KAT6B: variants seen among roughly 807,000 people sequenced by gnomAD.
KAT6B encodes lysine acetyltransferase 6B.
In KAT6B, 10 loss-of-function variants were observed where a neutral mutation model predicts 187.5. The ratio of observed to expected loss-of-function variants is 0.05; its 90% CI spans 0.03 to 0.09. The LOEUF (loss-of-function observed/expected upper bound fraction) is 0.09, where lower values mean the gene tolerates loss of function less well. Among genes scored for constraint, KAT6B ranks in the 10% least tolerant of loss-of-function variants. KAT6B has a pLI of 1.00. For missense variants in KAT6B, 1,952 were observed against 2,558.9 expected, an observed-to-expected ratio of 0.76 and a Z score of 5.12; for synonymous variants, 861 against 926.8, an observed-to-expected ratio of 0.93 and a Z score of 1.29.
intron 11 of KAT6B, chr10:74,984,267 A>C (rs1449584942): frequency 6.6e-6 from 1 of 152,248 alleles, no homozygotes; most frequent in Non-Finnish European, 1.5e-5. Flanking sequence ...GAGAATGGTC[A>C]AGTTCATTGT....
At chr10:74,957,749 G>A (rs1422228539) in intron 3 of KAT6B, among the ~76,000 whole-genome samples, 1 of 152,160 alleles carries the variant, frequency 6.6e-6, no homozygotes, top group Non-Finnish European at 1.5e-5. Context: ...GGGGAATGTT[G>A]TCACTTTAAA....
chr10:74,841,435 A>T (rs1369250766), intron 2 of KAT6B, among the ~76,000 whole-genome samples: 5 of 152,156 alleles, frequency 3.3e-5, no homozygotes, highest in Non-Finnish European at 7.4e-5. Context: ...GTGTGGTGGC[A>T]CATTCCTGTA....
chr10:74,895,635 G>C (rs2132691574), intron 3 of KAT6B, among the ~76,000 whole-genome samples: 1 of 152,200 alleles, frequency 6.6e-6, no homozygotes, highest in Non-Finnish European at 1.5e-5. Context: ...CACTTCCCGG[G>C]TTCAAGCGAT....
At chr10:75,001,045 C>G (rs941017469) in intron 13 of KAT6B, among the ~76,000 whole-genome samples, 2 of 151,968 alleles carry the variant, frequency 1.3e-5, no homozygotes, top group Non-Finnish European at 2.9e-5. Context: ...AAATGATACT[C>G]CCCTCCACCC....
chr10:74,933,697 AG>A (rs1356876569), intron 3 of KAT6B, among the ~76,000 whole-genome samples: 6 of 152,226 alleles, frequency 3.9e-5, no homozygotes, highest in African/African-American at 1.4e-4. Context: ...ATTCCAGGTG[AG>A]TATAAATTAT....
At chr10:74,845,390 G>A (rs1189401803) in intron 3 of KAT6B, among the ~76,000 whole-genome samples, 2 of 149,314 alleles carry the variant, frequency 1.3e-5, no homozygotes, top group African/African-American at 2.5e-5. Flanking sequence ...GGCGTGGTGG[G>A]GGGCACCTGT....
intron 13 of KAT6B, among the ~76,000 whole-genome samples, chr10:75,011,695 C>G (rs753479698): frequency 3.9e-5 from 6 of 152,308 alleles, no homozygotes; most frequent in African/African-American, 1.4e-4. Context: ...GAATCTATAT[C>G]ATAGTCAGTC....
rs557567150 is a variant in KAT6B at position 74,853,598 on chromosome 10, A to C, written c.621+10120A>C. Among the ~76,000 whole-genome samples the C allele has an allele frequency of 6.9e-4, 73 of 106,120 alleles. 1 individual carries two copies. In the South Asian group the frequency reaches 9.7e-3, roughly 14 times the overall value. The allele number at this position is 106,120 out of a possible 152,430, so 69.6% of individuals were successfully genotyped here. A position where few individuals can be genotyped will look rare whatever the true frequency, so the allele number is the denominator to read the frequency against. On this transcript the variant is annotated intron_variant, in intron 3 of 17. Transcript: ENST00000287239. Reference sequence around the variant, plus strand: ...CGTGAGCCACCGTGCTCAGCCTTTTATTTTTAATATATAAGAAATGCCTTT... The same window carrying C: ...CGTGAGCCACCGTGCTCAGCCTTTTCTTTTTAATATATAAGAAATGCCTTT...
chr10:74,962,577 G>A (rs1243680073), intron 4 of KAT6B, among the ~76,000 whole-genome samples: 1 of 152,152 alleles, frequency 6.6e-6, no homozygotes, highest in African/African-American at 2.4e-5. Context: ...ACCCATAGCA[G>A]CATAAAACCA....
chr10:74,939,050 A>AACACACACAC (rs112617639), intron 3 of KAT6B, among the ~76,000 whole-genome samples: 3,301 of 145,726 alleles, frequency 0.023, 97 homozygotes, highest in East Asian at 0.13. Context: ...TTATTTTCTT[A>AACACACACAC]ACACACACAC....
chr10:74,979,056 C>G (rs755522801), intron 9 of KAT6B, among the ~76,000 whole-genome samples, 168 bp from the exon 10 acceptor site: 24 of 152,270 alleles, frequency 1.6e-4, no homozygotes, highest in Middle Eastern at 3.4e-3. Context: ...ACAGTAATTA[C>G]TTTTGCACCA....
chr10:75,017,210 A>AT (rs754346278), intron 13 of KAT6B, among the ~76,000 whole-genome samples: 1 of 152,084 alleles, frequency 6.6e-6, no homozygotes, highest in Non-Finnish European at 1.5e-5. Context: ...ATTATTTGGA[A>AT]TTTTTTTGGT....
intron 3 of KAT6B, among the ~76,000 whole-genome samples, chr10:74,942,205 A>G (rs1265873768): frequency 6.6e-6 from 1 of 152,114 alleles, no homozygotes. Context: ...ACTATGGAAC[A>G]TTCCTCATGA....
rs1455224320 is a variant in KAT6B at position 74,871,118 on chromosome 10, G to A, written c.621+27640G>A. The stretch of plus-strand genomic sequence containing the variant: ...GCTGGTCTCAAACTCCTGACCTCAC[G>A]TGATCCACCTGCCTGCCTCAGCCTC... On this transcript the variant is annotated intron_variant, in intron 3 of 17. Coordinates refer to ENST00000287239, the MANE Select transcript of KAT6B (RefSeq NM_012330.4). 2.8e-5 allele frequency among the ~76,000 whole-genome samples: 4 copies of A among 141,790 alleles called. No homozygotes were observed. In the East Asian group the frequency reaches 6.4e-4, roughly 23 times the overall value. The allele number at this position is 141,790 out of a possible 152,430, so 93.0% of individuals were successfully genotyped here. A position where few individuals can be genotyped will look rare whatever the true frequency, so the allele number is the denominator to read the frequency against.
chr10:74,886,554 G>A (rs1204296500), intron 3 of KAT6B, among the ~76,000 whole-genome samples: 1 of 152,064 alleles, frequency 6.6e-6, no homozygotes, highest in African/African-American at 2.4e-5. Context: ...CTTCCTCTCC[G>A]CTCCCCCGTG....
chr10:75,011,183 ATTTC>A (rs1038585675), intron 13 of KAT6B, among the ~76,000 whole-genome samples: 1 of 151,982 alleles, frequency 6.6e-6, no homozygotes, highest in Non-Finnish European at 1.5e-5. Flanking sequence ...TTCAAAAACT[ATTTC>A]TTTTTTTAAT....
intron 1 of KAT6B, among the ~76,000 whole-genome samples, chr10:74,831,183 A>G (rs992322635): frequency 1.3e-5 from 2 of 152,080 alleles, no homozygotes; most frequent in Non-Finnish European, 2.9e-5. Flanking sequence ...TGGGCCTTGT[A>G]TCTTTTATTG....
chr10:74,828,145 G>C (rs910563663), intron 1 of KAT6B, among the ~76,000 whole-genome samples: 1 of 152,158 alleles, frequency 6.6e-6, no homozygotes, highest in Non-Finnish European at 1.5e-5. Context: ...AGGCAGAGGA[G>C]GGGTTAGATT....
intron 1 of KAT6B, among the ~76,000 whole-genome samples, chr10:74,833,866 A>G (rs1841066426): frequency 6.6e-6 from 1 of 152,220 alleles, no homozygotes; most frequent in African/African-American, 2.4e-5. Context: ...GTGTTACTCT[A>G]AAAAGATGGG....
Sources: gnomAD v4.1 joint callset for allele counts (sites outside exome capture counted in the v4.1 genomes callset) on GRCh38, gnomAD v4.1.1 for gene constraint, MANE v1.5 for transcripts, NCBI Gene and HGNC (gene_info 2026-07-23, HGNC 2026-07-21) for gene names.